The following ANK2 variants were observed in gnomAD, a reference collection of about 807,000 sequenced individuals.
The protein encoded by ANK2 is ankyrin-2.
A neutral mutation model predicts 360.5 loss-of-function variants in ANK2; 83 were observed. The ratio of observed to expected loss-of-function variants is 0.23; its 90% CI spans 0.19 to 0.28. The LOEUF is 0.28. ANK2 is among the 10% of genes least tolerant of loss of function. The pLI, the probability that ANK2 is intolerant of heterozygous loss-of-function variation, is 1.00. For synonymous variants in ANK2, 1,740 were observed against 1,759.5 expected (o/e 0.99, Z 0.28); for missense variants, 4,201 against 4,795.7 (o/e 0.88, Z 3.66).
intron 1 of ANK2, among the ~76,000 whole-genome samples, chr4:112,858,913 C>G (rs1335536339): frequency 1.3e-5 from 2 of 152,144 alleles, no homozygotes; most frequent in Non-Finnish European, 2.9e-5. Context: ...CCCGTAAAAC[C>G]TTTGTGAAAC....
At chr4:112,735,254 C>T in the ANK2 span, among the ~76,000 whole-genome samples, 3 of 152,050 alleles carry the variant, frequency 2.0e-5, no homozygotes, top group Admixed American at 1.3e-4. Flanking sequence ...TCGCTTGAGC[C>T]TGGGAGGCAG....
Position 113,249,813 on chromosome 4 carries a change from T to C in ANK2, c.941T>C (p.Val314Ala), listed in dbSNP as rs1563166056. Residue 314 changes from valine (V) to alanine (A), a missense_variant, in exon 10 of 46, where the codon GTG becomes GCG. This residue lies in a region of ANK2 where 122 missense variants were observed against 239.3 expected (regional missense o/e 0.51). Coordinates refer to ENST00000357077, the MANE Select transcript of ANK2 (RefSeq NM_001148.6). ...HCAARSGHDQ[V>A]VELLLERGAP... ...GCTGCACGAAGTGGGCATGACCAAG[T>C]GGTGGAACTTCTGTTGGAACGGGGT... 1 of 1,614,210 alleles carries C rather than the reference T, an allele frequency of 6.2e-7. No individual in the cohort carries two copies. The highest frequency in any genetic ancestry group is 8.5e-7 in the Non-Finnish European group (1 of 1,180,046).
intron 1 of ANK2, among the ~76,000 whole-genome samples, chr4:113,157,708 G>A (rs916920607): frequency 2.0e-5 from 3 of 152,190 alleles, no homozygotes; most frequent in Non-Finnish European, 4.4e-5. Context: ...GGAAGCAGCA[G>A]CCACTCCTAT....
chr4:113,233,104 CTGTTTTTTTTTTTTTTTTT>C (rs750064812), intron 5 of ANK2, among the ~76,000 whole-genome samples: 11,276 of 29,274 alleles, frequency 0.39, 3,573 homozygotes, highest in Admixed American at 0.47. Flanking sequence ...CTTGGCTTTT[CTGTTTTTTTTTTTTTTTTT>C]TTTTTTTTTT....
rs145839325 is a variant in ANK2 at position 113,356,090 on chromosome 4, C to A, written c.7472C>A (p.Ala2491Glu). The change falls in exon 38 of 46, where the codon GCA becomes GAA. Residue 2491 changes from alanine to glutamate, a missense_variant. By Grantham distance (107) the Ala-to-Glu change is moderately radical. Transcript: ENST00000357077. ...GIFPSHFPLP[A>E]AVAKTELLTE... is the part of the protein sequence containing the mutation. ...TTTCCAAGTCACTTTCCTCTTCCTG[C>A]AGCTGTTGCCAAAACAGAACTCTTG... The A allele has an allele frequency of 6.2e-7, 1 of 1,614,140 alleles. No individual in the cohort carries two copies. The highest frequency in any genetic ancestry group is 8.5e-7 in the Non-Finnish European group (1 of 1,180,000).
intron 39 of ANK2, among the ~76,000 whole-genome samples, chr4:113,361,294 A>G (rs2096206456): frequency 6.6e-6 from 1 of 152,196 alleles, no homozygotes; most frequent in South Asian, 2.1e-4. Context: ...AAATCTTCAT[A>G]GTAAACAACA....
intron 1 of ANK2, among the ~76,000 whole-genome samples, chr4:112,864,255 A>G (rs943554110): frequency 6.6e-6 from 1 of 152,232 alleles, no homozygotes; most frequent in African/African-American, 2.4e-5. Context: ...TCTTATCACT[A>G]TGACATTATG....
At chr4:112,977,547 A>C (rs1204176373) in intron 2 of ANK2, among the ~76,000 whole-genome samples, 1 of 151,774 alleles carries the variant, frequency 6.6e-6, no homozygotes, top group Non-Finnish European at 1.5e-5. Context: ...TAAATTAAAA[A>C]AAATTTTATT....
intron 23 of ANK2, among the ~76,000 whole-genome samples, chr4:113,303,562 C>T (rs1331261595): frequency 6.6e-6 from 1 of 152,096 alleles, no homozygotes; most frequent in African/African-American, 2.4e-5. Context: ...GTGTCCGGCT[C>T]CCTATCTCTA....
the ANK2 span, among the ~76,000 whole-genome samples, chr4:112,711,832 TAAAATA>T: frequency 7.0e-6 from 1 of 143,102 alleles, no homozygotes; most frequent in African/African-American, 2.6e-5. Flanking sequence ...AAAAATAAAA[TAAAATA>T]AAAATAAAAA....
intron 1 of ANK2, among the ~76,000 whole-genome samples, chr4:113,088,992 C>A (rs568704098): frequency 6.6e-6 from 1 of 152,176 alleles, no homozygotes; most frequent in Non-Finnish European, 1.5e-5. Flanking sequence ...TGATTTAAAA[C>A]CGACAATTTA....
At chr4:113,304,343 G>A (rs1300323357) in intron 23 of ANK2, among the ~76,000 whole-genome samples, 1 of 152,132 alleles carries the variant, frequency 6.6e-6, no homozygotes, top group Non-Finnish European at 1.5e-5. Flanking sequence ...TAACTGGATA[G>A]AACAACTTGT....
chr4:112,741,369 G>A, the ANK2 span, among the ~76,000 whole-genome samples: 1 of 152,100 alleles, frequency 6.6e-6, no homozygotes, highest in Non-Finnish European at 1.5e-5. Flanking sequence ...CCTTCAGTTG[G>A]CCCTCTTCAG....
the ANK2 span, among the ~76,000 whole-genome samples, chr4:112,775,645 G>A: frequency 6.6e-6 from 1 of 152,172 alleles, no homozygotes; most frequent in Non-Finnish European, 1.5e-5. Flanking sequence ...TGGGCAGGTT[G>A]TAGGGTAGAG....
At chr4:113,045,275 C>A (rs552323876), upstream of ANK2, among the ~76,000 whole-genome samples, 124 of 152,250 alleles carry the variant, frequency 8.1e-4, no homozygotes, top group African/African-American at 2.9e-3. Flanking sequence ...CTTAACAAAA[C>A]ACCAATAAAG....
intron 1 of ANK2, among the ~76,000 whole-genome samples, chr4:112,875,614 G>A (rs775187338): frequency 2.6e-5 from 4 of 152,242 alleles, no homozygotes; most frequent in Middle Eastern, 3.4e-3. Flanking sequence ...GGGATTACAA[G>A]TGTGAGCCAC....
intron 2 of ANK2, among the ~76,000 whole-genome samples, chr4:112,974,829 G>A (rs1411980469): frequency 6.7e-6 from 1 of 150,330 alleles, no homozygotes; most frequent in African/African-American, 2.5e-5. Flanking sequence ...TTTTTGTCCT[G>A]GTAAAAGTAT....
the ANK2 span, among the ~76,000 whole-genome samples, chr4:112,752,627 C>G: frequency 6.6e-6 from 1 of 151,050 alleles, no homozygotes; most frequent in Admixed American, 6.6e-5. Context: ...ACTTCTGTCT[C>G]CTAAAGTGCT....
the ANK2 span, among the ~76,000 whole-genome samples, chr4:112,800,952 G>T: frequency 6.6e-6 from 1 of 152,146 alleles, no homozygotes; most frequent in African/African-American, 2.4e-5. Context: ...ACTGCACCCG[G>T]CTGGCTTTTC....
Sources: allele counts gnomAD v4.1 joint callset (sites outside exome capture counted in the v4.1 genomes callset), GRCh38; gene constraint gnomAD v4.1.1; regional missense constraint gnomAD v4.1.1; transcripts MANE v1.5; gene names NCBI Gene and HGNC (gene_info 2026-07-23, HGNC 2026-07-21).